KRABD5: variants seen among roughly 807,000 people sequenced by gnomAD.
KRABD5 encodes KRAB domain-containing protein 5.
chr16:31,737,510 C>T, the KRABD5 span, among the ~76,000 whole-genome samples: 2 of 152,000 alleles, frequency 1.3e-5, no homozygotes, highest in African/African-American at 4.8e-5. Flanking sequence ...AAGGTAAGGT[C>T]CAACTTTATT....
chr16:31,755,569 C>A, the KRABD5 span: 1 of 464,710 alleles, frequency 2.2e-6, no homozygotes. Context: ...AGGATTGTGG[C>A]ATCTCCTTTA....
At chr16:31,723,682 T>A in the KRABD5 span, among the ~76,000 whole-genome samples, 1 of 152,198 alleles carries the variant, frequency 6.6e-6, no homozygotes, top group Admixed American at 6.5e-5. Flanking sequence ...TGTTTCTACC[T>A]CTATGTGAAA....
chr16:31,741,010 TC>T, the KRABD5 span, among the ~76,000 whole-genome samples: 1 of 152,278 alleles, frequency 6.6e-6, no homozygotes, highest in African/African-American at 2.4e-5. Context: ...TTGTCTCTTT[TC>T]CCCATCTTTA....
the KRABD5 span, among the ~76,000 whole-genome samples, chr16:31,721,756 C>T: frequency 6.6e-6 from 1 of 152,194 alleles, no homozygotes; most frequent in Admixed American, 6.5e-5. Flanking sequence ...CACATCATCC[C>T]TGAATTCTTC....
the KRABD5 span, among the ~76,000 whole-genome samples, chr16:31,728,620 T>G: frequency 6.6e-6 from 1 of 152,180 alleles, no homozygotes; most frequent in Non-Finnish European, 1.5e-5. Flanking sequence ...CTGCTATTGA[T>G]TTTCAGTTTT....
the KRABD5 span, chr16:31,759,330 C>CT: frequency 6.5e-7 from 1 of 1,532,300 alleles, no homozygotes; most frequent in Admixed American, 2.0e-5. Flanking sequence ...CAAAATTGTA[C>CT]TTTATGTATT....
chr16:31,744,775 C>T, the KRABD5 span, among the ~76,000 whole-genome samples: 301 of 151,972 alleles, frequency 2.0e-3, 1 homozygote, highest in African/African-American at 6.8e-3. Context: ...GGTTGGTAGG[C>T]TATTATTGCC....
chr16:31,744,519 A>C, the KRABD5 span, among the ~76,000 whole-genome samples: 1 of 152,126 alleles, frequency 6.6e-6, no homozygotes, highest in African/African-American at 2.4e-5. Flanking sequence ...TGCTGGATTC[A>C]GTTTGCTAGT....
chr16:31,716,743 CG>C, the KRABD5 span, among the ~76,000 whole-genome samples: 2 of 152,230 alleles, frequency 1.3e-5, no homozygotes, highest in Non-Finnish European at 1.5e-5. Context: ...CTGAATCTAG[CG>C]CCTGCTGGAA....
At chr16:31,718,770 C>A in the KRABD5 span, among the ~76,000 whole-genome samples, 1 of 152,330 alleles carries the variant, frequency 6.6e-6, no homozygotes, top group Non-Finnish European at 1.5e-5. Context: ...CTGAGTCTCT[C>A]CTGCCCAAAT....
the KRABD5 span, among the ~76,000 whole-genome samples, chr16:31,752,297 A>G: frequency 4.8e-4 from 73 of 152,288 alleles, no homozygotes; most frequent in African/African-American, 1.6e-3. Context: ...GTAGATGCCT[A>G]TTAGGTTATG....
chr16:31,728,755 A>G, the KRABD5 span, among the ~76,000 whole-genome samples: 1 of 152,204 alleles, frequency 6.6e-6, no homozygotes. Context: ...ATGTATTCTT[A>G]GAAGACTGTA....
the KRABD5 span, chr16:31,723,225 G>A: frequency 6.2e-7 from 1 of 1,600,108 alleles, no homozygotes; most frequent in Admixed American, 1.7e-5. Context: ...AGAACTCCCA[G>A]CAAGAGTCAT....
chr16:31,750,212 A>C, the KRABD5 span, among the ~76,000 whole-genome samples: 1 of 151,896 alleles, frequency 6.6e-6, no homozygotes, highest in African/African-American at 2.4e-5. Context: ...TTTTTTCAAC[A>C]GTGTTTTATA....
At chr16:31,738,058 G>T in the KRABD5 span, among the ~76,000 whole-genome samples, 1 of 152,104 alleles carries the variant, frequency 6.6e-6, no homozygotes, top group Non-Finnish European at 1.5e-5. Context: ...AGTAAGAAGT[G>T]ATGCTTTGTG....
the KRABD5 span, among the ~76,000 whole-genome samples, chr16:31,739,008 T>A: frequency 6.6e-6 from 1 of 152,192 alleles, no homozygotes; most frequent in African/African-American, 2.4e-5. Context: ...ATACTGTGAA[T>A]CCATTAGCAC....
chr16:31,713,775 T>A, the KRABD5 span, among the ~76,000 whole-genome samples: 7 of 152,284 alleles, frequency 4.6e-5, no homozygotes, highest in Admixed American at 3.3e-4. Context: ...CTGTGCCCCG[T>A]GGTGTCCCAG....
the KRABD5 span, among the ~76,000 whole-genome samples, chr16:31,751,970 T>C: frequency 5.5e-3 from 834 of 152,336 alleles, 8 homozygotes; most frequent in African/African-American, 0.019. Context: ...TTTTCACTTA[T>C]TTCAAAGAAC....
chr16:31,729,724 T>C, the KRABD5 span, among the ~76,000 whole-genome samples: 4 of 152,178 alleles, frequency 2.6e-5, no homozygotes, highest in Non-Finnish European at 5.9e-5. Flanking sequence ...TTTCCTCTTA[T>C]GCTTTGGTCA....
Sources: gnomAD v4.1 joint callset for allele counts (sites outside exome capture counted in the v4.1 genomes callset) on GRCh38, gnomAD v4.1.1 for gene constraint, MANE v1.5 for transcripts, NCBI Gene and HGNC (gene_info 2026-07-23, HGNC 2026-07-21) for gene names.